AVL9: variants seen among roughly 807,000 people sequenced by gnomAD.
AVL9 encodes AVL9 cell migration associated, also known as late secretory pathway protein AVL9 homolog.
AVL9 carries 49 observed loss-of-function variants against 79.2 expected under a neutral mutation model. The observed-to-expected ratio is 0.62, with a 90% CI of 0.49 to 0.79. The LOEUF (loss-of-function observed/expected upper bound fraction) is 0.79. Among genes scored for constraint, AVL9 ranks in the 30% least tolerant of loss-of-function variants. AVL9 has a pLI of 0.00. For missense variants in AVL9, 682 were observed against 776.8 expected (o/e 0.88, Z 1.45); for synonymous variants, 299 against 280.6 (o/e 1.07, Z -0.65).
intron 1 of AVL9, among the ~76,000 whole-genome samples, chr7:32,503,848 A>G (rs1173075261): frequency 2.0e-5 from 3 of 151,718 alleles, no homozygotes; most frequent in Admixed American, 1.3e-4. Flanking sequence ...ACACCCGGCT[A>G]TGTTTTGTAT....
At chr7:32,513,855 T>C (rs1787794558) in intron 1 of AVL9, among the ~76,000 whole-genome samples, 1 of 152,094 alleles carries the variant, frequency 6.6e-6, no homozygotes, top group Admixed American at 6.5e-5. Flanking sequence ...GGGGAGAGGG[T>C]CAGCAGAAAA....
At chr7:32,507,366 A>G (rs1009314318) in intron 1 of AVL9, among the ~76,000 whole-genome samples, 2 of 152,216 alleles carry the variant, frequency 1.3e-5, no homozygotes, top group African/African-American at 2.4e-5. Context: ...GTCTAGAAAT[A>G]TTAATATTGA....
intron 5 of AVL9, among the ~76,000 whole-genome samples, chr7:32,551,981 G>GCTCTAAAAGCTACTC (rs1309167329): frequency 1.9e-4 from 28 of 146,168 alleles, no homozygotes; most frequent in African/African-American, 7.1e-4. Flanking sequence ...CTAAAATGTA[G>GCTCTAAAAGCTACTC]AGGGAGAAAG....
Position 32,579,533 on chromosome 7 carries a change from ATATTATATATTATATAT to A in AVL9, c.1689-682_1689-666del, listed in dbSNP as rs1228472513. Among the ~76,000 whole-genome samples the A allele has an allele frequency of 3.0e-3, 12 of 4,064 alleles. 5 individuals are homozygous for A. Among genetic ancestry groups the A allele is most frequent in the Admixed American group, 6.4e-3 (1 of 156 alleles). 2.7% of individuals were successfully genotyped at this position (4,064 alleles called of 152,430 possible). A position where few individuals can be genotyped will look rare whatever the true frequency, so the allele number is the denominator to read the frequency against. ...TATATTATATTATATATTATATATT[ATATTATATATTATATAT>A]TATATATTATATTATATATTATATT... On this transcript the variant is annotated intron_variant, in intron 13 of 15. Transcript: ENST00000318709.
intron 13 of AVL9, among the ~76,000 whole-genome samples, chr7:32,579,559 A>ATG (rs1219359478): frequency 2.1e-4 from 1 of 4,718 alleles, no homozygotes; most frequent in Non-Finnish European, 3.8e-4. Flanking sequence ...ATTATATATT[A>ATG]TATTATATAT....
intron 1 of AVL9, among the ~76,000 whole-genome samples, chr7:32,514,927 C>T (rs748645561): frequency 1.3e-5 from 2 of 152,178 alleles, no homozygotes; most frequent in South Asian, 2.1e-4. Flanking sequence ...CACACGGACA[C>T]GCATGAAAAA....
At chr7:32,533,417 A>G (rs1165185390) in intron 1 of AVL9, 1 of 152,252 alleles carries the variant, frequency 6.6e-6, no homozygotes, top group Non-Finnish European at 1.5e-5. Context: ...CAGTCATGAA[A>G]ATGTTGTCAT....
rs1487576838 is a variant in AVL9, at chr7:32,553,742, A to G, written c.545A>G (p.Asp182Gly). The G allele has an allele frequency of 1.2e-6, 2 of 1,610,474 alleles. No individual in the cohort carries two copies. Among genetic ancestry groups the G allele is most frequent in the Non-Finnish European group, 1.7e-6 (2 of 1,177,654 alleles). The part of the protein sequence containing the change: ...SQVYLGLSPR[D>G]LVLHFRHKVL... ...AACATTGTAGGTCTGTCACCTCGAG[A>G]TCTTGTCCTTCATTTTCGACACAAG... Residue 182 changes from aspartate (D) to glycine (G), a missense_variant, in exon 7 of 16, where the codon GAT becomes GGT. Asp to Gly is a moderately conservative substitution (Grantham distance 94, BLOSUM62 -1). Transcript: ENST00000318709.
intron 1 of AVL9, chr7:32,533,036 G>A (rs1347871624): frequency 6.7e-6 from 1 of 148,976 alleles, no homozygotes; most frequent in African/African-American, 2.4e-5. Context: ...AACAAGGCCA[G>A]GCACGGTGGC....
At position 32,526,800 on chromosome 7, in the gene AVL9, AG is replaced by A. The variant is rs201194173; in HGVS notation, c.94-16338del. Among the ~76,000 whole-genome samples the A allele has an allele frequency of 3.5e-3, 535 of 152,288 alleles. 2 individuals carry two copies. Among genetic ancestry groups the A allele is most frequent in the African/African-American group, 0.012 (517 of 41,568 alleles). On this transcript the variant is annotated intron_variant, in intron 1 of 15. Coordinates refer to ENST00000318709, the MANE Select transcript of AVL9 (RefSeq NM_015060.3). ...GGTTTGTTGGGTGAAAGGAATAAAA[AG>A]GGAAACAGGAACCCTCCGCAGAGCG...
intron 7 of AVL9, 60 bp downstream of exon 7, chr7:32,553,827 C>T: frequency 1.6e-6 from 2 of 1,226,122 alleles, no homozygotes; most frequent in Non-Finnish European, 2.4e-6. Context: ...CAACACTGTT[C>T]TTAGTGTGCT....
intron 1 of AVL9, among the ~76,000 whole-genome samples, chr7:32,524,960 C>T (rs1788335923): frequency 6.6e-6 from 1 of 152,112 alleles, no homozygotes; most frequent in African/African-American, 2.4e-5. Flanking sequence ...GATCTTGCTA[C>T]CTGGATGTTC....
intron 1 of AVL9, chr7:32,534,336 G>T (rs1322183704): frequency 3.3e-5 from 5 of 151,980 alleles, no homozygotes; most frequent in Admixed American, 1.3e-4. Context: ...CCTTTCTGGG[G>T]ATATTTGATA....
intron 1 of AVL9, among the ~76,000 whole-genome samples, chr7:32,524,097 T>G (rs1788297384): frequency 6.7e-6 from 1 of 149,678 alleles, no homozygotes; most frequent in Non-Finnish European, 1.5e-5. Flanking sequence ...GATCCGCCCA[T>G]CTCAGCCTCC....
intron 1 of AVL9, chr7:32,536,335 A>C (rs375700481): frequency 2.0e-5 from 3 of 152,230 alleles, no homozygotes; most frequent in East Asian, 1.9e-4. Flanking sequence ...TTACTATTTA[A>C]ATTGTCTTGA....
chr7:32,551,443 T>C lies in AVL9; in HGVS notation c.462+20T>C. ...CTAAAGGTAACTTTATACCCCTCTA[T>C]AGATGTGTTTGGCTGAAGATAGACT... On this transcript the variant is annotated intron_variant, in intron 5 of 15. Coordinates refer to ENST00000318709, the MANE Select transcript of AVL9 (RefSeq NM_015060.3). The C allele has an allele frequency of 7.2e-7, 1 of 1,386,802 alleles. No homozygotes were observed. The highest frequency in any genetic ancestry group is 1.0e-6 in the Non-Finnish European group (1 of 977,792). 85.9% of individuals were successfully genotyped at this position (1,386,802 alleles called of 1,614,324 possible).
At chr7:32,542,768 G>T (rs1248061394) in intron 1 of AVL9, among the ~76,000 whole-genome samples, 1 of 152,116 alleles carries the variant, frequency 6.6e-6, no homozygotes, top group Non-Finnish European at 1.5e-5. Flanking sequence ...GGGCTCCTTT[G>T]TTGGACCTCT....
At chr7:32,578,874 TTA>T (rs1338637680) in intron 13 of AVL9, among the ~76,000 whole-genome samples, 8 of 152,106 alleles carry the variant, frequency 5.3e-5, no homozygotes, top group African/African-American at 1.9e-4. Context: ...TTCAAACTAA[TTA>T]TAACTTTTGA....
In AVL9 at chr7:32,552,283, C is replaced by A; in HGVS notation, c.517C>A (p.Gln173Lys). 1.9e-6 allele frequency: 3 copies of A among 1,598,378 alleles called. No individual in the cohort carries two copies. The highest frequency in any genetic ancestry group is 2.2e-5 in the South Asian group (2 of 90,458). The change falls in exon 6 of 16, where the codon CAA becomes AAA. Residue 173 changes from glutamine to lysine, a missense_variant. Transcript: ENST00000318709. ...SLGGASLEGS[Q>K]VYLGLSPRDL... ...GGGAGGTGCTTCATTAGAAGGATCC[C>A]AAGTATATCTTGGTAAGTAACTGAC... is the stretch of plus-strand genomic sequence containing the variant.
Sources: gnomAD v4.1 joint callset for allele counts (sites outside exome capture counted in the v4.1 genomes callset) on GRCh38, gnomAD v4.1.1 for gene constraint, MANE v1.5 for transcripts, NCBI Gene and HGNC (gene_info 2026-07-23, HGNC 2026-07-21) for gene names.